Variants in SUGCT observed in about 807,000 individuals in gnomAD.
SUGCT encodes the protein succinyl-CoA:glutarate-CoA transferase.
A neutral mutation model predicts 55.0 loss-of-function variants in SUGCT; 41 were observed. The observed-to-expected ratio is 0.74, with a 90% CI of 0.58 to 0.97. The LOEUF (loss-of-function observed/expected upper bound fraction) is 0.97. Ranked by LOEUF, SUGCT falls within the 50% of genes least tolerant of loss-of-function variation. SUGCT has a pLI of 0.00. For missense variants in SUGCT, 568 were observed against 547.8 expected (o/e 1.04, Z -0.37); for synonymous variants, 187 against 200.4 (o/e 0.93, Z 0.56).
intron 8 of SUGCT, among the ~76,000 whole-genome samples, chr7:40,297,565 A>G (rs1794241384): frequency 6.6e-6 from 1 of 152,020 alleles, no homozygotes; most frequent in Non-Finnish European, 1.5e-5. Context: ...TCCAGTGCAC[A>G]TTGACCTCTT....
chr7:40,138,115 A>G (rs1390810266), intron 1 of SUGCT, among the ~76,000 whole-genome samples: 5 of 152,194 alleles, frequency 3.3e-5, no homozygotes. Flanking sequence ...GTACCCAGCA[A>G]GCAACCTCCT....
At chr7:40,457,197 TG>T (rs2151441455) in intron 10 of SUGCT, among the ~76,000 whole-genome samples, 1 of 152,230 alleles carries the variant, frequency 6.6e-6, no homozygotes, top group African/African-American at 2.4e-5. Context: ...CCAAGCACTT[TG>T]GGAGGCCGAA....
chr7:41,016,960 A>G, the SUGCT span, among the ~76,000 whole-genome samples: 1 of 152,256 alleles, frequency 6.6e-6, no homozygotes, highest in Non-Finnish European at 1.5e-5. Context: ...TTGGATTCAC[A>G]GCTGACTTAA....
chr7:40,606,086 A>G (rs1192956231), intron 12 of SUGCT, among the ~76,000 whole-genome samples: 4 of 152,192 alleles, frequency 2.6e-5, no homozygotes, highest in Admixed American at 6.5e-5. Flanking sequence ...TCAGGAAGGT[A>G]GTGGATGGAT....
the SUGCT span, among the ~76,000 whole-genome samples, chr7:40,972,292 C>T: frequency 4.7e-4 from 71 of 152,254 alleles, no homozygotes; most frequent in African/African-American, 5.5e-4. Context: ...CTTGTTTTTA[C>T]GAAACAATCA....
intron 13 of SUGCT, among the ~76,000 whole-genome samples, chr7:40,827,573 C>T (rs189437384): frequency 5.9e-5 from 9 of 152,246 alleles, no homozygotes; most frequent in South Asian, 2.1e-4. Context: ...TTAATTCCAG[C>T]GAAAGGTTAG....
At chr7:40,617,166 G>A (rs951938693) in intron 12 of SUGCT, among the ~76,000 whole-genome samples, 3 of 151,906 alleles carry the variant, frequency 2.0e-5, no homozygotes, top group African/African-American at 7.3e-5. Context: ...CCTAAAGACT[G>A]GAATTATGTC....
intron 8 of SUGCT, among the ~76,000 whole-genome samples, chr7:40,277,654 T>G (rs1792607676): frequency 6.7e-6 from 1 of 149,582 alleles, no homozygotes. Flanking sequence ...AAAAGGCAAT[T>G]TAACAGATAA....
At chr7:40,637,090 A>G (rs1800052894) in intron 12 of SUGCT, among the ~76,000 whole-genome samples, 1 of 152,196 alleles carries the variant, frequency 6.6e-6, no homozygotes, top group South Asian at 2.1e-4. Context: ...ATATGCGGGG[A>G]TGACTGATGA....
At chr7:40,749,827 GAA>G (rs1286118799) in intron 13 of SUGCT, among the ~76,000 whole-genome samples, 1 of 152,156 alleles carries the variant, frequency 6.6e-6, no homozygotes, top group Non-Finnish European at 1.5e-5. Context: ...CCAATAACAA[GAA>G]ATAGAGTGTC....
intron 12 of SUGCT, among the ~76,000 whole-genome samples, chr7:40,700,403 C>G (rs914064049): frequency 6.6e-6 from 1 of 152,136 alleles, no homozygotes; most frequent in Non-Finnish European, 1.5e-5. Flanking sequence ...AATGAGAAAT[C>G]TAAGCATTGA....
chr7:40,951,541 A>G, the SUGCT span, among the ~76,000 whole-genome samples: 1 of 151,804 alleles, frequency 6.6e-6, no homozygotes, highest in Non-Finnish European at 1.5e-5. Context: ...TTTAATTGTG[A>G]TGTTAGGATG....
At chr7:40,383,504 G>A (rs1236125454) in intron 9 of SUGCT, among the ~76,000 whole-genome samples, 1 of 152,142 alleles carries the variant, frequency 6.6e-6, no homozygotes, top group Non-Finnish European at 1.5e-5. Context: ...ATATAGAAAG[G>A]ACTGTGCTAC....
the SUGCT span, among the ~76,000 whole-genome samples, chr7:40,959,387 G>A: frequency 6.6e-6 from 1 of 152,238 alleles, no homozygotes; most frequent in Non-Finnish European, 1.5e-5. Flanking sequence ...AATCTAGAGA[G>A]GCAGTTTGGC....
intron 13 of SUGCT, among the ~76,000 whole-genome samples, chr7:40,839,062 T>C (rs1793143698): frequency 2.6e-5 from 4 of 152,102 alleles, no homozygotes; most frequent in Admixed American, 2.6e-4. Flanking sequence ...ATTGCATTGA[T>C]TGATTTTCAA....
At chr7:40,914,286 T>C in the SUGCT span, among the ~76,000 whole-genome samples, 3 of 151,186 alleles carry the variant, frequency 2.0e-5, no homozygotes, top group Non-Finnish European at 4.4e-5. Flanking sequence ...TTCTTTTTTT[T>C]TTTTATTATA....
the SUGCT span, among the ~76,000 whole-genome samples, chr7:40,974,081 T>A: frequency 7.2e-5 from 11 of 152,312 alleles, no homozygotes; most frequent in African/African-American, 2.6e-4. Flanking sequence ...TCAAGATGGT[T>A]TATTTTTGTC....
chr7:40,355,936 A>T (rs956436803), intron 9 of SUGCT, among the ~76,000 whole-genome samples: 3 of 152,262 alleles, frequency 2.0e-5, no homozygotes, highest in African/African-American at 7.2e-5. Flanking sequence ...AGAATTTATT[A>T]GACTTTTCTC....
intron 8 of SUGCT, among the ~76,000 whole-genome samples, chr7:40,307,823 C>A (rs1322316951): frequency 6.6e-6 from 1 of 151,860 alleles, no homozygotes; most frequent in Non-Finnish European, 1.5e-5. Context: ...AAACTGTTCA[C>A]CTTATGGTGT....
Sources: allele counts gnomAD v4.1 joint callset (sites outside exome capture counted in the v4.1 genomes callset), GRCh38; gene constraint gnomAD v4.1.1; transcripts MANE v1.5; gene names NCBI Gene and HGNC (gene_info 2026-07-23, HGNC 2026-07-21).